PIK3C2G: variants seen among roughly 807,000 people sequenced by gnomAD.
PIK3C2G encodes the protein phosphatidylinositol 3-kinase C2 domain-containing subunit gamma.
PIK3C2G carries 168 observed loss-of-function variants against 181.1 expected under a neutral mutation model. That is an observed-to-expected ratio of 0.93 (90% CI 0.82 to 1.05). The LOEUF is 1.05. Among genes scored for constraint, PIK3C2G ranks in the 50% least tolerant of loss-of-function variants. PIK3C2G has a pLI of 0.00. For missense variants in PIK3C2G, 1,869 were observed against 1,732.8 expected (o/e 1.08, Z -1.40); for synonymous variants, 573 against 592.2 (o/e 0.97, Z 0.47).
At chr12:18,277,126 T>C (rs541682999) in intron 1 of PIK3C2G, among the ~76,000 whole-genome samples, 3 of 152,298 alleles carry the variant, frequency 2.0e-5, no homozygotes, top group East Asian at 1.9e-4. Context: ...AAAAGTGAGA[T>C]AATGTAAATA....
chr12:18,431,422 C>A (rs1321410662), intron 18 of PIK3C2G, among the ~76,000 whole-genome samples: 1 of 152,148 alleles, frequency 6.6e-6, no homozygotes, highest in South Asian at 2.1e-4. Flanking sequence ...CAAATTTTGT[C>A]CACTTTACAG....
At chr12:18,454,149 G>A (rs1401250594) in intron 18 of PIK3C2G, among the ~76,000 whole-genome samples, 1 of 152,034 alleles carries the variant, frequency 6.6e-6, no homozygotes, top group Non-Finnish European at 1.5e-5. Flanking sequence ...GTTAAGCTTT[G>A]TCCCATGCAT....
At chr12:18,685,035 T>G in the PIK3C2G span, among the ~76,000 whole-genome samples, 1 of 152,068 alleles carries the variant, frequency 6.6e-6, no homozygotes. Context: ...GTGAGTCAAT[T>G]AAACCTCTTT....
chr12:18,429,933 G>A (rs1229510900), intron 18 of PIK3C2G, among the ~76,000 whole-genome samples: 2 of 152,064 alleles, frequency 1.3e-5, no homozygotes. Context: ...CCTACGAAGT[G>A]GGAAAATCTC....
chr12:18,531,706 T>G (rs1487200484), intron 24 of PIK3C2G, among the ~76,000 whole-genome samples: 1 of 152,222 alleles, frequency 6.6e-6, no homozygotes, highest in Non-Finnish European at 1.5e-5. Flanking sequence ...TGTTGTGTTT[T>G]CAAAATTATG....
chr12:18,472,016 T>C (rs535932980), intron 18 of PIK3C2G, among the ~76,000 whole-genome samples: 2 of 152,286 alleles, frequency 1.3e-5, no homozygotes, highest in South Asian at 4.1e-4. Context: ...GTGAGAAATT[T>C]GGTTCTATTA....
chr12:18,683,422 A>G, the PIK3C2G span: 5 of 1,454,786 alleles, frequency 3.4e-6, no homozygotes, highest in Non-Finnish European at 4.8e-6. Context: ...CTAAGCCTAC[A>G]TTAAAAACCA....
chr12:18,501,118 G>T (rs754348386), intron 22 of PIK3C2G, among the ~76,000 whole-genome samples: 1 of 152,190 alleles, frequency 6.6e-6, no homozygotes, highest in Non-Finnish European at 1.5e-5. Context: ...CACTCACCGC[G>T]AAGGTCCGCG....
intron 26 of PIK3C2G, among the ~76,000 whole-genome samples, chr12:18,556,687 T>C (rs1339505628): frequency 1.3e-5 from 2 of 152,158 alleles, no homozygotes; most frequent in Non-Finnish European, 2.9e-5. Context: ...AAATCATGAT[T>C]AATATTATAC....
At position 18,537,899 on chromosome 12, in the gene PIK3C2G, T is replaced by C. The variant is rs796843283; in HGVS notation, c.3324-257T>C. Among the ~76,000 whole-genome samples the C allele has an allele frequency of 6.4e-4, 97 of 152,148 alleles. 1 individual carries two copies. Among genetic ancestry groups the C allele is most frequent in the African/African-American group, 2.2e-3 (93 of 41,558 alleles). ...AATGAATAATATTCCCCTCCAAATG[T>C]AATTTAGAATTAAACATTTCAGACA... On this transcript the variant is annotated intron_variant, in intron 24 of 32. Transcript: ENST00000538779.
rs140200526 is a variant in PIK3C2G, at chr12:18,625,601, C to A, written c.4183-14828C>A. Among the ~76,000 whole-genome samples the A allele has an allele frequency of 7.1e-3, 1,080 of 151,716 alleles. 7 individuals carry two copies. The highest frequency in any genetic ancestry group is 0.01 in the African/African-American group (417 of 41,488). ...TAATTTTCTGTATGGATGATCTGTCCACTAGTGAAAGTGATGTATCGAAGT... is the reference window on the plus strand; with the variant it reads ...TAATTTTCTGTATGGATGATCTGTCAACTAGTGAAAGTGATGTATCGAAGT... On this transcript the variant is annotated intron_variant, in intron 31 of 32. Transcript: ENST00000538779.
chr12:18,368,716 A>G (rs1269112888), intron 12 of PIK3C2G, among the ~76,000 whole-genome samples: 1 of 152,140 alleles, frequency 6.6e-6, no homozygotes, highest in African/African-American at 2.4e-5. Context: ...TCTATCTTTC[A>G]TCCTGTTAGC....
chr12:18,476,184 C>CT (rs953245518), intron 18 of PIK3C2G, among the ~76,000 whole-genome samples: 21 of 152,006 alleles, frequency 1.4e-4, no homozygotes, highest in African/African-American at 4.8e-4. Context: ...TCCAAGGAAG[C>CT]TTTTTTTAGA....
chr12:18,534,568 T>C (rs1196962610), intron 24 of PIK3C2G, among the ~76,000 whole-genome samples: 1 of 152,102 alleles, frequency 6.6e-6, no homozygotes, highest in African/African-American at 2.4e-5. Flanking sequence ...GCTATGTTTA[T>C]TTATTGTTGC....
At chr12:18,541,543 A>G (rs1944154273) in intron 25 of PIK3C2G, among the ~76,000 whole-genome samples, 2 of 151,928 alleles carry the variant, frequency 1.3e-5, no homozygotes, top group Admixed American at 1.3e-4. Context: ...ATTTCCCATC[A>G]GAGATCTTCC....
the PIK3C2G span, among the ~76,000 whole-genome samples, chr12:18,674,659 G>C: frequency 6.6e-6 from 1 of 152,104 alleles, no homozygotes; most frequent in East Asian, 1.9e-4. Flanking sequence ...CAAATTTTTT[G>C]CAACTACTCC....
chr12:18,243,185 A>G (rs1351581483), upstream of PIK3C2G, among the ~76,000 whole-genome samples: 1 of 133,948 alleles, frequency 7.5e-6, no homozygotes, highest in Non-Finnish European at 1.6e-5. Context: ...TAAATCCTAT[A>G]AAGTCTTTCT....
At chr12:18,429,923 C>T (rs754719104) in intron 18 of PIK3C2G, among the ~76,000 whole-genome samples, 15 of 152,126 alleles carry the variant, frequency 9.9e-5, no homozygotes, top group Non-Finnish European at 1.9e-4. Flanking sequence ...AGCCCCCTGG[C>T]CTACGAAGTG....
intron 1 of PIK3C2G, among the ~76,000 whole-genome samples, chr12:18,255,473 T>G (rs1260847824): frequency 6.6e-6 from 1 of 152,196 alleles, no homozygotes; most frequent in Non-Finnish European, 1.5e-5. Flanking sequence ...ACTTTCTTTC[T>G]TTTATATCTA....
Sources: allele counts gnomAD v4.1 joint callset (sites outside exome capture counted in the v4.1 genomes callset), GRCh38; gene constraint gnomAD v4.1.1; transcripts MANE v1.5; gene names NCBI Gene and HGNC (gene_info 2026-07-23, HGNC 2026-07-21).